The following DAB1 variants were observed in gnomAD, a reference collection of about 807,000 sequenced individuals.
DAB1 encodes DAB adaptor protein 1.
DAB1 carries 15 observed loss-of-function variants against 64.6 expected under a neutral mutation model. The observed-to-expected ratio is 0.23, with a 90% CI of 0.16 to 0.36. DAB1 has a LOEUF of 0.36. Among genes scored for constraint, DAB1 ranks in the 10% least tolerant of loss-of-function variants. The probability of loss-of-function intolerance (pLI) is 1.00; values close to 1 mark genes in which losing one functional copy is unlikely to be tolerated. For synonymous variants in DAB1, 235 were observed against 251.9 expected (o/e 0.93, Z 0.64); for missense variants, 596 against 706.7 (o/e 0.84, Z 1.78).
chr1:57,114,081 C>T (rs1012966389), intron 4 of DAB1, among the ~76,000 whole-genome samples: 2 of 152,130 alleles, frequency 1.3e-5, no homozygotes, highest in Admixed American at 6.5e-5. Context: ...TGTTTAAATT[C>T]CCTTCCCTGG....
chr1:57,693,514 A>T (rs1040959521), intron 6 of DAB1, among the ~76,000 whole-genome samples: 3 of 150,982 alleles, frequency 2.0e-5, no homozygotes. Flanking sequence ...ACTCTGTAAA[A>T]TGGACCAATC....
At chr1:57,291,348 G>A (rs1348989488) in intron 1 of DAB1, among the ~76,000 whole-genome samples, 182 bp from the exon 2 acceptor site, 1 of 152,122 alleles carries the variant, frequency 6.6e-6, no homozygotes, top group African/African-American at 2.4e-5. Context: ...GAGGCTTAGC[G>A]GCAAAACTGC....
At chr1:58,410,054 A>G (rs1004925401) in intron 3 of DAB1, among the ~76,000 whole-genome samples, 3 of 152,034 alleles carry the variant, frequency 2.0e-5, no homozygotes, top group African/African-American at 7.2e-5. Flanking sequence ...TAGAATTCCA[A>G]TCATGCTCCA....
At chr1:58,031,989 C>CGTGTGTGTGTGTGT (rs59449665) in intron 5 of DAB1, among the ~76,000 whole-genome samples, 26 of 141,978 alleles carry the variant, frequency 1.8e-4, no homozygotes, top group African/African-American at 4.8e-4. Flanking sequence ...CTGATAGAAA[C>CGTGTGTGTGTGTGT]GTGTGTGTGT....
chr1:58,420,836 C>T (rs1009308307), intron 3 of DAB1, among the ~76,000 whole-genome samples: 22 of 152,118 alleles, frequency 1.4e-4, no homozygotes, highest in African/African-American at 5.1e-4. Context: ...CTTCCACTCC[C>T]CTTCTGTTTC....
At chr1:57,660,926 C>G (rs372878359) in intron 6 of DAB1, among the ~76,000 whole-genome samples, 1 of 152,178 alleles carries the variant, frequency 6.6e-6, no homozygotes, top group African/African-American at 2.4e-5. Flanking sequence ...CCCTAGTAAA[C>G]TTTCCACATG....
chr1:58,292,659 G>A (rs1661873519), intron 4 of DAB1, among the ~76,000 whole-genome samples: 1 of 152,054 alleles, frequency 6.6e-6, no homozygotes, highest in Admixed American at 6.6e-5. Context: ...GGGTTGGAGT[G>A]TTGCAAATAA....
At chr1:57,870,054 A>G (rs1398748164) in intron 1 of DAB1, among the ~76,000 whole-genome samples, 1 of 152,128 alleles carries the variant, frequency 6.6e-6, no homozygotes, top group Non-Finnish European at 1.5e-5. Flanking sequence ...GAGTTTTGGA[A>G]AAATACTTAC....
chr1:57,510,262 C>G (rs911077278), intron 7 of DAB1, among the ~76,000 whole-genome samples: 1 of 152,132 alleles, frequency 6.6e-6, no homozygotes, highest in African/African-American at 2.4e-5. Context: ...TGCACTTTAC[C>G]TCTCAGCCAG....
chr1:58,189,449 G>A (rs186551708), intron 4 of DAB1, among the ~76,000 whole-genome samples: 15 of 152,272 alleles, frequency 9.9e-5, no homozygotes, highest in Non-Finnish European at 1.6e-4. Context: ...TTCTGTCTAG[G>A]ACAAGTTTCT....
chr1:58,140,820 G>C (rs778630507), intron 5 of DAB1, among the ~76,000 whole-genome samples: 3 of 152,178 alleles, frequency 2.0e-5, no homozygotes, highest in Non-Finnish European at 4.4e-5. Context: ...TAAGTAAATA[G>C]ATAGTTCCAA....
At chr1:57,129,253 T>C (rs1657431435) in intron 4 of DAB1, among the ~76,000 whole-genome samples, 1 of 152,186 alleles carries the variant, frequency 6.6e-6, no homozygotes, top group African/African-American at 2.4e-5. Flanking sequence ...CTTGGTCCTG[T>C]AAATTATCTC....
At chr1:58,522,093 T>TA (rs546500747) in intron 2 of DAB1, among the ~76,000 whole-genome samples, 7 of 151,978 alleles carry the variant, frequency 4.6e-5, no homozygotes, top group Admixed American at 2.6e-4. Context: ...AACTTAACTT[T>TA]AAAAAAAATT....
At chr1:57,810,671 G>A (rs142293768) in intron 6 of DAB1, among the ~76,000 whole-genome samples, 2 of 152,160 alleles carry the variant, frequency 1.3e-5, no homozygotes, top group Non-Finnish European at 2.9e-5. Flanking sequence ...TTCACCAATG[G>A]CCCAATACCA....
chr1:57,313,572 A>C (rs1460318253), intron 1 of DAB1, among the ~76,000 whole-genome samples: 1 of 152,180 alleles, frequency 6.6e-6, no homozygotes, highest in Non-Finnish European at 1.5e-5. Context: ...TTTCCATAAT[A>C]AAAAAGTGGA....
At chr1:57,808,519 A>C (rs1651473572) in intron 6 of DAB1, among the ~76,000 whole-genome samples, 1 of 152,222 alleles carries the variant, frequency 6.6e-6, no homozygotes, top group South Asian at 2.1e-4. Context: ...ATGGCTTTGA[A>C]ATAATGAATT....
intron 5 of DAB1, among the ~76,000 whole-genome samples, chr1:58,121,773 A>G (rs1652749975): frequency 1.3e-5 from 2 of 152,332 alleles, no homozygotes; most frequent in South Asian, 4.1e-4. Flanking sequence ...CCTCTAAGAT[A>G]CCAAGCATGG....
At chr1:57,852,182 A>G (rs1172362757) in intron 1 of DAB1, among the ~76,000 whole-genome samples, 1 of 152,158 alleles carries the variant, frequency 6.6e-6, no homozygotes, top group Non-Finnish European at 1.5e-5. Flanking sequence ...TTTTCCCCTG[A>G]AGATCCTCAT....
intron 5 of DAB1, among the ~76,000 whole-genome samples, chr1:58,105,162 G>C (rs902909856): frequency 1.3e-5 from 2 of 152,232 alleles, no homozygotes; most frequent in African/African-American, 4.8e-5. Flanking sequence ...AAAGATGGCT[G>C]CTGAAGAAGG....
Sources: gnomAD v4.1 joint callset for allele counts (sites outside exome capture counted in the v4.1 genomes callset) on GRCh38, gnomAD v4.1.1 for gene constraint, MANE v1.5 for transcripts, NCBI Gene and HGNC (gene_info 2026-07-23, HGNC 2026-07-21) for gene names.